ROBO2: variants seen among roughly 807,000 people sequenced by gnomAD.
The protein encoded by ROBO2 is roundabout guidance receptor 2.
In ROBO2, 53 loss-of-function variants were observed where a neutral mutation model predicts 160.8. That is an observed-to-expected ratio of 0.33 (90% CI 0.26 to 0.41). The LOEUF is 0.41. ROBO2 is among the 10% of genes least tolerant of loss of function. ROBO2 has a pLI of 1.00. For synonymous variants in ROBO2, 664 were observed against 611.7 expected (o/e 1.09, Z -1.26); for missense variants, 1,577 against 1,722.4 (o/e 0.92, Z 1.49).
intron 2 of ROBO2, among the ~76,000 whole-genome samples, chr3:77,335,056 C>T (rs1025114987): frequency 6.6e-6 from 1 of 152,112 alleles, no homozygotes; most frequent in Non-Finnish European, 1.5e-5. Flanking sequence ...TAAGTACACA[C>T]ATTATTAATA....
intron 2 of ROBO2, among the ~76,000 whole-genome samples, chr3:76,506,353 T>C (rs1577721460): frequency 6.6e-6 from 1 of 152,200 alleles, no homozygotes; most frequent in East Asian, 1.9e-4. Flanking sequence ...CCTAATCTTC[T>C]AGTCTATATT....
chr3:76,269,751 G>C (rs1000025964), intron 2 of ROBO2, among the ~76,000 whole-genome samples: 3 of 151,826 alleles, frequency 2.0e-5, no homozygotes, highest in African/African-American at 7.3e-5. Context: ...GACCTATTTC[G>C]TATCTCTCGT....
chr3:76,379,732 A>G (rs1342372683), intron 2 of ROBO2, among the ~76,000 whole-genome samples: 1 of 152,176 alleles, frequency 6.6e-6, no homozygotes, highest in Non-Finnish European at 1.5e-5. Flanking sequence ...ATGCTTGAAA[A>G]TCCTTTTCCA....
At chr3:76,445,782 CA>C (rs1222399796) in intron 2 of ROBO2, among the ~76,000 whole-genome samples, 1 of 152,084 alleles carries the variant, frequency 6.6e-6, no homozygotes, top group African/African-American at 2.4e-5. Context: ...GAACCAAAGA[CA>C]AAAACCACAT....
intron 2 of ROBO2, among the ~76,000 whole-genome samples, chr3:76,183,832 A>T (rs1350144959): frequency 1.3e-5 from 2 of 152,160 alleles, no homozygotes; most frequent in African/African-American, 4.8e-5. Context: ...TCTATTTAAA[A>T]ATTAAATAAA....
chr3:76,912,304 G>A (rs779879527), intron 2 of ROBO2, among the ~76,000 whole-genome samples: 1 of 151,974 alleles, frequency 6.6e-6, no homozygotes, highest in African/African-American at 2.4e-5. Flanking sequence ...GATACAATAA[G>A]GTTTTATATT....
chr3:76,000,596 C>T (rs2065857821), intron 2 of ROBO2, among the ~76,000 whole-genome samples: 2 of 149,986 alleles, frequency 1.3e-5, no homozygotes, highest in Admixed American at 6.7e-5. Flanking sequence ...TCATGCCATT[C>T]TCCTGCCTCA....
Position 76,434,801 on chromosome 3 carries a change from C to T in ROBO2, c.109+497199C>T, listed in dbSNP as rs1330629520. ...CGCAGATTAATCAGGGGGAGAGCAT[C>T]ACACATGCCCTGAATCATGTATCTG... On this transcript the variant is annotated intron_variant, in intron 2 of 26. Transcript: ENST00000487694. 4.3e-6 allele frequency: 6 copies of T among 1,408,332 alleles called. No homozygotes were observed. The East Asian group carries it at 1.4e-4, about 32-fold the overall frequency. The allele number at this position is 1,408,332 out of a possible 1,614,324, so 87.2% of individuals were successfully genotyped here. A position where few individuals can be genotyped will look rare whatever the true frequency, so the allele number is the denominator to read the frequency against.
At chr3:77,425,596 G>C (rs773133013) in intron 2 of ROBO2, among the ~76,000 whole-genome samples, 1 of 152,038 alleles carries the variant, frequency 6.6e-6, no homozygotes, top group Admixed American at 6.5e-5. Context: ...CTGGGTATGA[G>C]GAGGATGGGG....
At chr3:76,954,484 A>G (rs1258547280) in intron 2 of ROBO2, among the ~76,000 whole-genome samples, 1 of 152,190 alleles carries the variant, frequency 6.6e-6, no homozygotes, top group Non-Finnish European at 1.5e-5. Context: ...TTCTCGCATT[A>G]CTTCTAACAC....
chr3:77,247,316 T>C (rs1580349434), intron 2 of ROBO2, among the ~76,000 whole-genome samples: 1 of 152,188 alleles, frequency 6.6e-6, no homozygotes, highest in Non-Finnish European at 1.5e-5. Flanking sequence ...TAGGTTGTCA[T>C]GGAGCTAGTG....
intron 2 of ROBO2, among the ~76,000 whole-genome samples, chr3:76,756,203 T>G (rs2060959102): frequency 1.3e-5 from 2 of 151,994 alleles, no homozygotes; most frequent in African/African-American, 2.4e-5. Context: ...ACTCTTCGAA[T>G]ATGTTTCTGG....
intron 1 of ROBO2, among the ~76,000 whole-genome samples, chr3:77,083,370 T>C (rs762111836): frequency 6.6e-6 from 1 of 152,176 alleles, no homozygotes; most frequent in African/African-American, 2.4e-5. Flanking sequence ...ATTTGATGAA[T>C]AAGTAGATTT....
At chr3:77,212,927 A>G (rs1204947308) in intron 2 of ROBO2, among the ~76,000 whole-genome samples, 1 of 152,196 alleles carries the variant, frequency 6.6e-6, no homozygotes, top group Non-Finnish European at 1.5e-5. Flanking sequence ...GATGAAGCCC[A>G]CTTGATCATG....
intron 20 of ROBO2, chr3:77,602,898 C>T (rs1166695255): frequency 4.3e-6 from 2 of 461,484 alleles, no homozygotes; most frequent in South Asian, 1.5e-5. Context: ...GAACTAATCA[C>T]ATGATGCCAC....
At chr3:77,493,792 A>C (rs1381455078) in intron 5 of ROBO2, among the ~76,000 whole-genome samples, 1 of 152,134 alleles carries the variant, frequency 6.6e-6, no homozygotes, top group Non-Finnish European at 1.5e-5. Context: ...TAACTAACAA[A>C]AGACTATTGC....
chr3:76,639,344 GTATA>G lies in ROBO2; in HGVS notation c.110-458668_110-458665del, dbSNP rs996259241. ...GACATGTATATATGTGTGTGTGTAT[GTATA>G]TGTACATGCATATATACCTGCATAT... On this transcript the variant is annotated intron_variant, in intron 2 of 26. Transcript: ENST00000487694. Among the ~76,000 whole-genome samples the G allele has an allele frequency of 1.1e-4, 17 of 151,614 alleles. No homozygotes were observed. The South Asian group carries it at 1.5e-3, about 13-fold the overall frequency.
At chr3:76,079,821 T>TAAC (rs147630924) in intron 2 of ROBO2, among the ~76,000 whole-genome samples, 2 of 151,266 alleles carry the variant, frequency 1.3e-5, no homozygotes, top group Admixed American at 6.6e-5. Flanking sequence ...AACAAGGGAC[T>TAAC]AACAACAACA....
rs563556027 is a variant in ROBO2, at chr3:76,031,292, A to G, written c.109+93690A>G. 5.9e-5 allele frequency among the ~76,000 whole-genome samples: 9 copies of G among 152,272 alleles called. No individual in the cohort carries two copies. The South Asian group carries it at 1.9e-3, about 32-fold the overall frequency. Reference sequence around the variant, plus strand: ...AGATGATGGGGTTTTCTAAATATAAATCATGTCATATGCAAACAGGGACAA... The same window carrying G: ...AGATGATGGGGTTTTCTAAATATAAGTCATGTCATATGCAAACAGGGACAA... On this transcript the variant is annotated intron_variant, in intron 2 of 26. Transcript: ENST00000487694.
Sources: allele counts gnomAD v4.1 joint callset (sites outside exome capture counted in the v4.1 genomes callset), GRCh38; gene constraint gnomAD v4.1.1; transcripts MANE v1.5; gene names NCBI Gene and HGNC (gene_info 2026-07-23, HGNC 2026-07-21).